DSTYK: variants seen among roughly 807,000 people sequenced by gnomAD.
DSTYK encodes the protein RIP-homologous kinase.
Under a neutral mutation model 98.7 loss-of-function variants are expected in DSTYK, and 34 were observed. That is an observed-to-expected ratio of 0.34 (90% CI 0.26 to 0.46). The LOEUF (loss-of-function observed/expected upper bound fraction) is 0.46. DSTYK is among the 20% of genes least tolerant of loss of function. The pLI is 1.00. For synonymous variants in DSTYK, 462 were observed against 457.3 expected (o/e 1.01, Z -0.13); for missense variants, 962 against 1,181.7 (o/e 0.81, Z 2.73).
At chr1:205,179,820 G>T in intron 2 of DSTYK, among the ~76,000 whole-genome samples, 1 of 152,124 alleles carries the variant, frequency 6.6e-6, no homozygotes, top group East Asian at 1.9e-4. Context: ...AACAGTTTCT[G>T]CCCGTTGACA....
chr1:205,189,638 G>A (rs972787894), intron 1 of DSTYK, among the ~76,000 whole-genome samples: 3 of 152,142 alleles, frequency 2.0e-5, no homozygotes, highest in Non-Finnish European at 4.4e-5. Context: ...ACCTAGCTAC[G>A]ATTTCAAATC....
Position 205,163,763 on chromosome 1 carries a change from T to G in DSTYK, c.1517A>C (p.Gln506Pro). The change falls in exon 4 of 13, where the codon CAG becomes CCG. Residue 506 changes from glutamine to proline, a missense_variant. By Grantham distance (76) the Gln-to-Pro change is moderately conservative. Coordinates refer to ENST00000367162, the MANE Select transcript of DSTYK (RefSeq NM_015375.3). The stretch of plus-strand genomic sequence containing the variant: ...ACTGGTGATGTGAACTGAGACATCC[T>G]GAGACTTCTCCAGGCTCTGCAGACA... The part of the protein sequence containing the change: ...ERCLQSLEKS[Q>P]DVSVHITSNY... 6.2e-7 allele frequency: 1 copy of G among 1,614,164 alleles called. No individual in the cohort carries two copies. The highest frequency in any genetic ancestry group is 8.5e-7 in the Non-Finnish European group (1 of 1,180,012).
rs540949274 is a variant in DSTYK at position 205,163,225 on chromosome 1, T to A, written c.1558-219A>T. On this transcript the variant is annotated intron_variant, in intron 4 of 12. Coordinates refer to ENST00000367162, the MANE Select transcript of DSTYK (RefSeq NM_015375.3). ...TTCATCAACTTATTTTTTTATTTTTTTTTTTATTTTTTAGACAGAGTTTCA... is the reference window on the plus strand; with the variant it reads ...TTCATCAACTTATTTTTTTATTTTTATTTTTATTTTTTAGACAGAGTTTCA... 2.8e-4 allele frequency among the ~76,000 whole-genome samples: 43 copies of A among 151,928 alleles called. No individual in the cohort carries two copies. In the East Asian group the frequency reaches 6.6e-3, roughly 23 times the overall value.
chr1:205,148,338 C>T lies in DSTYK; in HGVS notation c.2469G>A (p.Gly823=), dbSNP rs1657305229. The change falls in exon 12 of 13, where the codon GGG becomes GGA. Residue 823 remains glycine, a splice_region_variant and synonymous_variant. Coordinates refer to ENST00000367162, the MANE Select transcript of DSTYK (RefSeq NM_015375.3). The part of the protein sequence containing the change: ...PIHMAPELFT[G]KYDNSVDVYA... ...AGACATCCACGGAATTATCGTACTT[C>T]CCTGATGGCAAGAAAGGATGAAACG... 6.2e-7 allele frequency: 1 copy of T among 1,613,622 alleles called. No individual in the cohort carries two copies. Among genetic ancestry groups the T allele is most frequent in the South Asian group, 1.1e-5 (1 of 91,084 alleles).
chr1:205,198,995 A>G (rs1395679048), intron 1 of DSTYK, among the ~76,000 whole-genome samples: 4 of 152,166 alleles, frequency 2.6e-5, no homozygotes, highest in South Asian at 4.1e-4. Context: ...CTAAAGTTAG[A>G]CACTTTGAGG....
intron 1 of DSTYK, among the ~76,000 whole-genome samples, chr1:205,198,021 C>T (rs926554587): frequency 4.6e-5 from 7 of 152,110 alleles, no homozygotes; most frequent in African/African-American, 1.7e-4. Flanking sequence ...TGGAGAAACC[C>T]CGTCTCTATT....
At chr1:205,180,926 T>C (rs1658378689) in intron 2 of DSTYK, among the ~76,000 whole-genome samples, 1 of 152,236 alleles carries the variant, frequency 6.6e-6, no homozygotes, top group Non-Finnish European at 1.5e-5. Flanking sequence ...GGTTAGATTT[T>C]ACTATGTATG....
chr1:205,169,440 C>A lies in DSTYK; in HGVS notation c.1047G>T (p.Gln349His). 6.2e-7 allele frequency: 1 copy of A among 1,614,162 alleles called. No homozygotes were observed. Among genetic ancestry groups the A allele is most frequent in the Non-Finnish European group, 8.5e-7 (1 of 1,180,032 alleles). ...CATCCACCAGGCGAGTCTGTAACACCTGGTGAGAAAATGTGCTCAAGTGTC... is the reference window on the plus strand; with the variant it reads ...CATCCACCAGGCGAGTCTGTAACACATGGTGAGAAAATGTGCTCAAGTGTC... ...KLRHLSTFSH[Q>H]VLQTRLVDAA... The change falls in exon 3 of 13, where the codon CAG becomes CAT. Residue 349 changes from glutamine (Q) to histidine (H), a missense_variant. This residue lies in a region of DSTYK where 660 missense variants were observed against 855.0 expected (regional missense o/e 0.77). Transcript: ENST00000367162. This position sits in a 1 kb window ranked among gnomAD's most constrained non-coding sequence, Gnocchi z 4.0.
intron 2 of DSTYK, among the ~76,000 whole-genome samples, chr1:205,175,308 G>A (rs1227777667): frequency 6.7e-6 from 1 of 149,954 alleles, no homozygotes; most frequent in African/African-American, 2.5e-5. Flanking sequence ...TATCCAGGAT[G>A]GTCTCGATCT....
chr1:205,201,373 C>T (rs1659032300), intron 1 of DSTYK, among the ~76,000 whole-genome samples: 1 of 118,252 alleles, frequency 8.5e-6, no homozygotes, highest in South Asian at 2.8e-4. Flanking sequence ...CTACTATGTA[C>T]ACACAAAATT....
At chr1:205,148,053 A>T in intron 12 of DSTYK, 152 bp downstream of exon 12, 1 of 976,792 alleles carries the variant, frequency 1.0e-6, no homozygotes, top group Non-Finnish European at 1.5e-6. Context: ...AGGTTGACTT[A>T]AATATCTTTT....
At chr1:205,201,670 C>T (rs1404767188) in intron 1 of DSTYK, among the ~76,000 whole-genome samples, 1 of 152,156 alleles carries the variant, frequency 6.6e-6, no homozygotes, top group East Asian at 1.9e-4. Flanking sequence ...CTATGGTAGG[C>T]ACTACTGGGG....
At chr1:205,203,928 C>A (rs1659125060) in intron 1 of DSTYK, among the ~76,000 whole-genome samples, 1 of 151,860 alleles carries the variant, frequency 6.6e-6, no homozygotes, top group African/African-American at 2.4e-5. Flanking sequence ...ACAACAACAA[C>A]AAAAACAGCA....
chr1:205,150,018 C>T lies in DSTYK; in HGVS notation c.2467+662G>A, dbSNP rs2102377638. 6.6e-6 allele frequency among the ~76,000 whole-genome samples: 1 copy of T among 152,280 alleles called. No homozygotes were observed. The highest frequency in any genetic ancestry group is 6.5e-5 in the Admixed American group (1 of 15,290). The stretch of plus-strand genomic sequence containing the variant: ...TGGTTTTGGGAGTAGGTTTCTTCAT[C>T]AATCTGGTCTCAATTTTATCCATTG... On this transcript the variant is annotated intron_variant, in intron 11 of 12. Coordinates refer to ENST00000367162, the MANE Select transcript of DSTYK (RefSeq NM_015375.3). The surrounding 1 kb of genome is among the most constrained non-coding windows in gnomAD (Gnocchi z 4.1).
intron 10 of DSTYK, among the ~76,000 whole-genome samples, chr1:205,152,436 CA>C (rs1657432501): frequency 6.6e-6 from 1 of 152,216 alleles, no homozygotes; most frequent in South Asian, 2.1e-4. Context: ...CTCGGCCTCC[CA>C]AAGTGCTGGG....
chr1:205,203,563 G>T (rs1355008680), intron 1 of DSTYK, among the ~76,000 whole-genome samples: 1 of 19,024 alleles, frequency 5.3e-5, no homozygotes, highest in Non-Finnish European at 1.7e-4. Context: ...GGGGAGGGGA[G>T]GGGAGGGGAG....
chr1:205,186,825 T>C (rs144679548), intron 2 of DSTYK, among the ~76,000 whole-genome samples: 2 of 152,362 alleles, frequency 1.3e-5, no homozygotes, highest in East Asian at 3.9e-4. Flanking sequence ...GAAACTAAGA[T>C]ACTCTTCAAA....
intron 2 of DSTYK, among the ~76,000 whole-genome samples, chr1:205,170,470 G>A (rs909818199): frequency 2.0e-5 from 3 of 152,148 alleles, no homozygotes; most frequent in Non-Finnish European, 4.4e-5. Flanking sequence ...CAGGGACTGG[G>A]TCTATTTTGC....
chr1:205,211,404 G>A lies in DSTYK; in HGVS notation c.132C>T (p.Asn44=), dbSNP rs370254371. Reference sequence around the variant, plus strand: ...GGAAGAACTTCTGGGTCTCGCGCAGGTTCTGTCGCAGCCGTCCCAGGTAGC... The same window carrying A: ...GGAAGAACTTCTGGGTCTCGCGCAGATTCTGTCGCAGCCGTCCCAGGTAGC... ...YRRYLGRLRQ[N]LRETQKFFRD... Residue 44 remains asparagine (N), a synonymous_variant, in exon 1 of 13, where the codon AAC becomes AAT. Transcript: ENST00000367162. 1.2e-5 allele frequency: 19 copies of A among 1,611,206 alleles called. No homozygotes were observed. Among genetic ancestry groups the A allele is most frequent in the African/African-American group, 4.0e-5 (3 of 74,822 alleles).
Sources: allele counts gnomAD v4.1 joint callset (sites outside exome capture counted in the v4.1 genomes callset), GRCh38; gene constraint gnomAD v4.1.1; regional missense constraint gnomAD v4.1.1; non-coding constraint Gnocchi (gnomAD v3.1); transcripts MANE v1.5; gene names NCBI Gene and HGNC (gene_info 2026-07-23, HGNC 2026-07-21).